DAB1: variants seen among roughly 807,000 people sequenced by gnomAD.
DAB1 encodes disabled homolog 1.
A neutral mutation model predicts 64.6 loss-of-function variants in DAB1; 15 were observed. The ratio of observed to expected loss-of-function variants is 0.23; its 90% confidence interval spans 0.16 to 0.36. DAB1 has a LOEUF of 0.36. Ranked by LOEUF, DAB1 falls within the 10% of genes least tolerant of loss-of-function variation. DAB1 has a pLI of 1.00. For missense variants in DAB1, 596 were observed against 706.7 expected, an observed-to-expected ratio of 0.84 and a Z score of 1.78; for synonymous variants, 235 against 251.9, an observed-to-expected ratio of 0.93 and a Z score of 0.64.
intron 4 of DAB1, among the ~76,000 whole-genome samples, chr1:58,257,904 C>T (rs1412936942): frequency 6.6e-6 from 1 of 152,096 alleles, no homozygotes. Context: ...GGACCTGGGC[C>T]CCTTACACTT....
intron 3 of DAB1, among the ~76,000 whole-genome samples, chr1:58,408,044 T>C (rs1327250732): frequency 6.6e-6 from 1 of 152,130 alleles, no homozygotes; most frequent in Non-Finnish European, 1.5e-5. Context: ...GTGTACTCCC[T>C]GGACCAGCAG....
intron 7 of DAB1, among the ~76,000 whole-genome samples, chr1:57,435,051 T>C (rs1051814126): frequency 3.5e-5 from 5 of 142,142 alleles, no homozygotes; most frequent in Admixed American, 1.4e-4. Context: ...TTTTTCTTTT[T>C]TTTTTTTTTT....
chr1:57,389,462 C>T (rs1001979019), intron 1 of DAB1, among the ~76,000 whole-genome samples: 1 of 152,168 alleles, frequency 6.6e-6, no homozygotes, highest in African/African-American at 2.4e-5. Flanking sequence ...GCTTTGTACC[C>T]ATGTGGGTTC....
At chr1:58,172,024 T>C (rs919509112) in intron 4 of DAB1, among the ~76,000 whole-genome samples, 5 of 152,206 alleles carry the variant, frequency 3.3e-5, no homozygotes, top group Non-Finnish European at 7.3e-5. Flanking sequence ...TTGGAATCAC[T>C]GGCTTTTGCC....
intron 7 of DAB1, among the ~76,000 whole-genome samples, chr1:57,599,721 G>A (rs1001922903): frequency 6.6e-6 from 1 of 152,122 alleles, no homozygotes; most frequent in Non-Finnish European, 1.5e-5. Context: ...TCATTCCCCA[G>A]TTTAAAACTT....
Position 57,576,806 on chromosome 1 carries a change from G to C in DAB1, n.625+72786C>G, listed in dbSNP as rs566863443. 3.9e-5 allele frequency among the ~76,000 whole-genome samples: 6 copies of C among 152,272 alleles called. No individual in the cohort carries two copies. In the South Asian group the frequency reaches 1.2e-3, roughly 32 times the overall value. ...AAAACCAAGTCTGCTTTTCTGAGAC[G>C]GGTGGAAGACTGACAAAGACACTAA... is the stretch of plus-strand genomic sequence containing the variant. On this transcript the variant is annotated intron_variant and non_coding_transcript_variant, in intron 7 of 20. Coordinates refer to the DAB1 transcript ENST00000485760.
In DAB1 at chr1:58,374,143, G is replaced by A. The variant is rs1250008096; in HGVS notation, n.258-30740C>T. ...GTGTTGTAGGTTGCCTGTTCACTCT[G>A]ATGGTAGTTTCTTTTGCTGTGCAGA... is the stretch of plus-strand genomic sequence containing the variant. On this transcript the variant is annotated intron_variant and non_coding_transcript_variant, in intron 3 of 20. Coordinates refer to the DAB1 transcript ENST00000485760. 2.8e-5 allele frequency among the ~76,000 whole-genome samples: 3 copies of A among 106,204 alleles called. No homozygotes were observed. In the Admixed American group the frequency reaches 3.2e-4, roughly 11 times the overall value. 69.7% of individuals were successfully genotyped at this position (106,204 alleles called of 152,430 possible). A position where few individuals can be genotyped will look rare whatever the true frequency, so the allele number is the denominator to read the frequency against.
intron 4 of DAB1, among the ~76,000 whole-genome samples, chr1:58,330,643 G>A (rs1310635996): frequency 6.6e-6 from 1 of 152,172 alleles, no homozygotes; most frequent in Non-Finnish European, 1.5e-5. Flanking sequence ...TGAAATCAGT[G>A]CTCATTTGGC....
chr1:57,088,455 C>A (rs1011271967), intron 4 of DAB1, among the ~76,000 whole-genome samples: 1 of 152,196 alleles, frequency 6.6e-6, no homozygotes, highest in Non-Finnish European at 1.5e-5. Flanking sequence ...TAAGAAAACT[C>A]AGAGCTGCCA....
intron 4 of DAB1, among the ~76,000 whole-genome samples, chr1:58,263,293 T>C (rs548747526): frequency 4.4e-4 from 67 of 152,362 alleles, no homozygotes; most frequent in Non-Finnish European, 7.1e-4. Flanking sequence ...CGACATTTAT[T>C]GAATCATTAC....
At chr1:57,175,005 T>C (rs934304702) in intron 2 of DAB1, among the ~76,000 whole-genome samples, 1 of 152,110 alleles carries the variant, frequency 6.6e-6, no homozygotes, top group South Asian at 2.1e-4. Context: ...AAAATGCTAC[T>C]CTCCATGACT....
At chr1:58,045,844 G>T (rs572165630) in intron 5 of DAB1, among the ~76,000 whole-genome samples, 7 of 151,382 alleles carry the variant, frequency 4.6e-5, no homozygotes, top group African/African-American at 7.3e-5. Flanking sequence ...CTTTCACACA[G>T]CATAGAGATG....
chr1:57,892,106 G>A (rs1557540599), intron 5 of DAB1, among the ~76,000 whole-genome samples: 2 of 152,070 alleles, frequency 1.3e-5, no homozygotes, highest in Non-Finnish European at 2.9e-5. Context: ...GTATAAATTC[G>A]ATATTTAAAA....
intron 4 of DAB1, among the ~76,000 whole-genome samples, chr1:57,109,614 T>C (rs1379936390): frequency 1.3e-5 from 2 of 152,222 alleles, no homozygotes; most frequent in African/African-American, 4.8e-5. Context: ...ATGAATATAG[T>C]TTGTAAATGC....
chr1:58,044,102 GAAAAA>G (rs1320331849), intron 5 of DAB1, among the ~76,000 whole-genome samples: 1 of 152,108 alleles, frequency 6.6e-6, no homozygotes, highest in Admixed American at 6.6e-5. Context: ...GTCCTTCTTT[GAAAAA>G]TTTTCAGGAA....
At chr1:58,527,184 A>G (rs1218712905) in intron 2 of DAB1, 1 of 809,946 alleles carries the variant, frequency 1.2e-6, no homozygotes, top group African/African-American at 1.7e-5. Context: ...GCTTATGCCA[A>G]GCCTCATTAA....
intron 6 of DAB1, among the ~76,000 whole-genome samples, chr1:57,763,661 A>C (rs1346643861): frequency 6.6e-6 from 1 of 152,108 alleles, no homozygotes; most frequent in African/African-American, 2.4e-5. Context: ...CTGAATGACA[A>C]AGCAAGACCT....
At chr1:57,549,163 T>G (rs1051062443) in intron 7 of DAB1, among the ~76,000 whole-genome samples, 1 of 152,192 alleles carries the variant, frequency 6.6e-6, no homozygotes, top group African/African-American at 2.4e-5. Context: ...ATTGAGTTTC[T>G]ACATCACTTT....
At chr1:58,446,771 T>A (rs914889756) in intron 3 of DAB1, among the ~76,000 whole-genome samples, 1 of 152,214 alleles carries the variant, frequency 6.6e-6, no homozygotes, top group Non-Finnish European at 1.5e-5. Context: ...TGTCAGTGGA[T>A]AAGAGAGAAC....
Sources: gnomAD v4.1 joint callset for allele counts (sites outside exome capture counted in the v4.1 genomes callset) on GRCh38, gnomAD v4.1.1 for gene constraint, MANE v1.5 for transcripts, NCBI Gene and HGNC (gene_info 2026-07-23, HGNC 2026-07-21) for gene names.